Variants in PPP3CC observed in about 807,000 individuals in gnomAD.
PPP3CC encodes the protein serine/threonine-protein phosphatase 2B catalytic subunit gamma isoform.
A neutral mutation model predicts 60.3 loss-of-function variants in PPP3CC; 35 were observed. The observed-to-expected ratio is 0.58, with a 90% confidence interval of 0.44 to 0.77. The LOEUF (loss-of-function observed/expected upper bound fraction) is 0.77. PPP3CC is among the 30% of genes least tolerant of loss of function. The pLI, the probability that PPP3CC is intolerant of heterozygous loss-of-function variation, is 0.00. For synonymous variants in PPP3CC, 206 were observed against 224.3 expected (o/e 0.92, Z 0.73); for missense variants, 570 against 628.9 (o/e 0.91, Z 1.00).
intron 3 of PPP3CC, among the ~76,000 whole-genome samples, chr8:22,478,618 T>A (rs1837970314): frequency 6.6e-6 from 1 of 152,206 alleles, no homozygotes; most frequent in Non-Finnish European, 1.5e-5. Flanking sequence ...ATATTTTGTG[T>A]TATGCATTTT....
intron 1 of PPP3CC, among the ~76,000 whole-genome samples, chr8:22,472,116 G>T (rs772665843): frequency 6.6e-6 from 1 of 151,886 alleles, no homozygotes; most frequent in Non-Finnish European, 1.5e-5. Context: ...GCAATAAAGC[G>T]AGATCCTATC....
At chr8:22,521,395 A>G (rs1357033882) in intron 6 of PPP3CC, among the ~76,000 whole-genome samples, 2 of 152,150 alleles carry the variant, frequency 1.3e-5, no homozygotes, top group Non-Finnish European at 2.9e-5. Flanking sequence ...AGGACTGCAG[A>G]CAAGTGGGAC....
chr8:22,448,456 C>T (rs998430114), intron 1 of PPP3CC, among the ~76,000 whole-genome samples: 8 of 151,114 alleles, frequency 5.3e-5, no homozygotes, highest in African/African-American at 4.9e-5. Flanking sequence ...CTCGGCTCAC[C>T]GCAACCTCTG....
chr8:22,477,378 G>A (rs573710328), intron 3 of PPP3CC, among the ~76,000 whole-genome samples: 2 of 152,130 alleles, frequency 1.3e-5, no homozygotes, highest in South Asian at 2.1e-4. Flanking sequence ...TTGAGAGGCT[G>A]AGGCAGGATA....
chr8:22,529,587 G>T (rs1839648039), intron 10 of PPP3CC, among the ~76,000 whole-genome samples: 2 of 152,080 alleles, frequency 1.3e-5, no homozygotes, highest in African/African-American at 4.8e-5. Context: ...GAGTTCAAGC[G>T]ATTCTCCTGC....
chr8:22,470,434 A>G (rs1468357713), intron 1 of PPP3CC, among the ~76,000 whole-genome samples: 1 of 152,342 alleles, frequency 6.6e-6, no homozygotes, highest in East Asian at 1.9e-4. Context: ...ATTGGTATAT[A>G]GTCAATTATG....
chr8:22,520,518 G>C lies in PPP3CC; in HGVS notation c.771-1973G>C, dbSNP rs200470238. ...TTCTTTTTTATTCTTTTTTCTTTTT[G>C]TCCCTCTAATGCTATCATTTCAAAT... On this transcript the variant is annotated intron_variant, in intron 6 of 13. Coordinates refer to ENST00000240139, the MANE Select transcript of PPP3CC (RefSeq NM_005605.5). Among the ~76,000 whole-genome samples, 7 of 150,192 alleles carry C rather than the reference G, an allele frequency of 4.7e-5. No individual in the cohort carries two copies. In the East Asian group the frequency reaches 1.4e-3, roughly 29 times the overall value.
chr8:22,494,384 C>T (rs934367492), intron 3 of PPP3CC, among the ~76,000 whole-genome samples: 7 of 152,228 alleles, frequency 4.6e-5, no homozygotes, highest in South Asian at 2.1e-4. Flanking sequence ...CAGGAAAGAC[C>T]GGCCCCCATG....
Position 22,497,122 on chromosome 8 carries a change from C to T in PPP3CC, c.373-879C>T, listed in dbSNP as rs149380823. On this transcript the variant is annotated intron_variant, in intron 3 of 13. Coordinates refer to ENST00000240139, the MANE Select transcript of PPP3CC (RefSeq NM_005605.5). ...TTGGCTTATGGCAACCTCCGCTTCC[C>T]GGGTTCAAGCGATTCTCATGCCTCA... Among the ~76,000 whole-genome samples the T allele has an allele frequency of 5.8e-4, 89 of 152,212 alleles. 1 individual carries two copies. The East Asian group carries it at 6.0e-3, about 10-fold the overall frequency.
At chr8:22,475,369 A>G (rs1483906308) in intron 2 of PPP3CC, 131 bp from the exon 3 acceptor site, 5 of 1,101,398 alleles carry the variant, frequency 4.5e-6, no homozygotes, top group African/African-American at 3.1e-5. Context: ...TAGATTGACT[A>G]CAGTTTTACA....
intron 1 of PPP3CC, among the ~76,000 whole-genome samples, chr8:22,454,699 C>CAT (rs984354219): frequency 4.6e-5 from 7 of 152,002 alleles, no homozygotes; most frequent in East Asian, 1.9e-4. Context: ...GGATCTCTGT[C>CAT]ATATATATAT....
intron 3 of PPP3CC, among the ~76,000 whole-genome samples, chr8:22,496,981 A>T (rs1032391145): frequency 6.6e-6 from 1 of 151,168 alleles, no homozygotes; most frequent in Non-Finnish European, 1.5e-5. Context: ...ACAAATGGGG[A>T]TTTCTCCACC....
At chr8:22,485,049 G>A (rs1563725045) in intron 3 of PPP3CC, among the ~76,000 whole-genome samples, 1 of 152,044 alleles carries the variant, frequency 6.6e-6, no homozygotes. Context: ...TCTAACTGTG[G>A]TCTTTTAGTT....
chr8:22,486,107 A>G (rs4872001), intron 3 of PPP3CC, among the ~76,000 whole-genome samples: 3,047 of 152,322 alleles, frequency 0.02, 62 homozygotes, highest in East Asian at 0.085. Context: ...CCCAGTTCAT[A>G]TGATCAACTT....
intron 3 of PPP3CC, 34 bp from the exon 4 acceptor site, chr8:22,497,967 C>T (rs1838639938): frequency 6.8e-7 from 1 of 1,464,764 alleles, no homozygotes; most frequent in Non-Finnish European, 9.4e-7. Context: ...ATAATGGTCA[C>T]AAAGAAAATT....
At chr8:22,460,868 T>C (rs1016637334) in intron 1 of PPP3CC, among the ~76,000 whole-genome samples, 3 of 152,158 alleles carry the variant, frequency 2.0e-5, no homozygotes, top group Non-Finnish European at 4.4e-5. Flanking sequence ...TTTTTTGAGA[T>C]AGAGTCTTGC....
chr8:22,525,554 CTCTCTTTCTT>C (rs1839535986), intron 8 of PPP3CC, among the ~76,000 whole-genome samples: 8 of 138,632 alleles, frequency 5.8e-5, no homozygotes, highest in African/African-American at 2.2e-4. Context: ...CTCTCTCTCT[CTCTCTTTCTT>C]TCTCTCTCTC....
intron 4 of PPP3CC, among the ~76,000 whole-genome samples, chr8:22,500,181 G>A (rs371835057): frequency 4.6e-5 from 7 of 151,998 alleles, no homozygotes; most frequent in East Asian, 3.9e-4. Context: ...TGGGTTATAC[G>A]CCAAAAAAAT....
rs781045134 is a variant in PPP3CC at position 22,532,975 on chromosome 8, C to T, written c.1278C>T (p.Leu426=). The T allele has an allele frequency of 1.7e-5, 27 of 1,606,476 alleles. No homozygotes were observed. Among genetic ancestry groups the T allele is most frequent in the Non-Finnish European group, 2.3e-5 (27 of 1,176,110 alleles). Residue 426 remains leucine, a synonymous_variant, in exon 12 of 14, where the codon CTC becomes CTT. Coordinates refer to ENST00000240139, the MANE Select transcript of PPP3CC (RefSeq NM_005605.5). The part of the protein sequence containing the change: ...TLKGLTPTGT[L]PLGVLSGGKQ... Reference sequence around the variant, plus strand: ...AGGGCCTGACTCCCACAGGCACACTCCCTCTGGGCGTCCTCTCAGGAGGCA... The same window carrying T: ...AGGGCCTGACTCCCACAGGCACACTTCCTCTGGGCGTCCTCTCAGGAGGCA...
Sources: gnomAD v4.1 joint callset for allele counts (sites outside exome capture counted in the v4.1 genomes callset) on GRCh38, gnomAD v4.1.1 for gene constraint, MANE v1.5 for transcripts, NCBI Gene and HGNC (gene_info 2026-07-23, HGNC 2026-07-21) for gene names.